The following CLUL1 variants were observed in gnomAD, a reference collection of about 807,000 sequenced individuals.
CLUL1 encodes clusterin like 1.
CLUL1 carries 43 observed loss-of-function variants against 49.4 expected under a neutral mutation model. The observed-to-expected ratio is 0.87, with a 90% confidence interval of 0.68 to 1.12. The LOEUF (loss-of-function observed/expected upper bound fraction) is 1.12. CLUL1 is among the 50% of genes most tolerant of loss of function. CLUL1 has a pLI of 0.00. For synonymous variants in CLUL1, 192 were observed against 184.9 expected (o/e 1.04, Z -0.31); for missense variants, 486 against 544.4 (o/e 0.89, Z 1.07).
chr18:634,275 A>T (rs564044222), intron 7 of CLUL1, among the ~76,000 whole-genome samples: 1 of 152,040 alleles, frequency 6.6e-6, no homozygotes, highest in Non-Finnish European at 1.5e-5. Context: ...GATTACAGGC[A>T]TGTGCCACCA....
intron 9 of CLUL1, among the ~76,000 whole-genome samples, chr18:645,964 G>A (rs574492171): frequency 6.7e-6 from 1 of 150,178 alleles, no homozygotes; most frequent in African/African-American, 2.5e-5. Context: ...TTTAAATAAT[G>A]ACTTGCTAAC....
In CLUL1 at chr18:624,122, C is replaced by T. The variant is rs781607562; in HGVS notation, c.256-743C>T. On this transcript the variant is annotated intron_variant, in intron 4 of 9. Transcript: ENST00000692774. ...GCACTCCAGGGGCAGGGCTGAGGCT[C>T]GCAGGGACAGGTGCCACTGCTGCTG... Among the ~76,000 whole-genome samples, 5 of 152,222 alleles carry T rather than the reference C, an allele frequency of 3.3e-5. No individual in the cohort carries two copies. In the South Asian group the frequency reaches 1.0e-3, roughly 32 times the overall value.
chr18:619,103 G>A (rs1215100565), intron 3 of CLUL1, 110 bp from the exon 4 acceptor site: 2 of 1,037,892 alleles, frequency 1.9e-6, no homozygotes, highest in South Asian at 1.6e-5. Context: ...CAGAATATGA[G>A]CCTATAAGAG....
At chr18:649,058 A>T (rs1478725341) in intron 9 of CLUL1, among the ~76,000 whole-genome samples, 1 of 152,158 alleles carries the variant, frequency 6.6e-6, no homozygotes, top group African/African-American at 2.4e-5. Flanking sequence ...ACATTTTCCA[A>T]GTTTGTTTAC....
chr18:637,426 C>T (rs2074177563), intron 7 of CLUL1, among the ~76,000 whole-genome samples: 1 of 152,056 alleles, frequency 6.6e-6, no homozygotes, highest in Admixed American at 6.5e-5. Flanking sequence ...CCTCTCCCGA[C>T]CTCAGTAGTT....
In CLUL1 at chr18:648,857, C is replaced by T. The variant is rs192034348; in HGVS notation, c.1398-1041C>T. The stretch of plus-strand genomic sequence containing the variant: ...TTTTTTAGTAGAGATGTGTTTTTAC[C>T]ATGTTGGCCGGGCTGGTCTCAAACT... On this transcript the variant is annotated intron_variant, in intron 9 of 9. Coordinates refer to ENST00000692774, the MANE Select transcript of CLUL1 (RefSeq NM_001393344.1). Among the ~76,000 whole-genome samples the T allele has an allele frequency of 3.6e-4, 55 of 152,142 alleles. No individual in the cohort carries two copies. The East Asian group carries it at 5.4e-3, about 15-fold the overall frequency.
intron 6 of CLUL1, among the ~76,000 whole-genome samples, chr18:631,669 C>T (rs2144106667): frequency 6.6e-6 from 1 of 152,258 alleles, no homozygotes; most frequent in African/African-American, 2.4e-5. Flanking sequence ...GATTATGACA[C>T]AGCCTCTGAC....
intron 7 of CLUL1, 68 bp downstream of exon 7, chr18:633,503 G>A: frequency 3.6e-6 from 5 of 1,381,832 alleles, no homozygotes; most frequent in South Asian, 1.3e-5. Context: ...ATAAAGTTTC[G>A]GTGCCACAAA....
chr18:645,808 AAAATATATATAT>A (rs1160347289), intron 9 of CLUL1, among the ~76,000 whole-genome samples: 5 of 56,900 alleles, frequency 8.8e-5, no homozygotes, highest in Non-Finnish European at 1.3e-4. Flanking sequence ...AAAAAAAAAA[AAAATATATATAT>A]ATATATATAT....
In CLUL1 at chr18:645,792, T is replaced by TAAAAAAAAAA. The variant is rs869103727; in HGVS notation, c.1397+705_1397+714dup. Among the ~76,000 whole-genome samples, 26 of 16,078 alleles carry TAAAAAAAAAA rather than the reference T, an allele frequency of 1.6e-3. 5 individuals are homozygous for TAAAAAAAAAA. The highest frequency in any genetic ancestry group is 3.8e-3 in the African/African-American group (15 of 3,910). The allele number at this position is 16,078 out of a possible 152,430, so 10.5% of individuals were successfully genotyped here. ...CTGGGCGACAGAGCGAGACTCTGTT[T>TAAAAAAAAAA]AAAAAAAAAAAAAAAAAAATATATA... On this transcript the variant is annotated intron_variant, in intron 9 of 9. Coordinates refer to ENST00000692774, the MANE Select transcript of CLUL1 (RefSeq NM_001393344.1).
At chr18:639,626 A>G (rs2074279276) in intron 7 of CLUL1, among the ~76,000 whole-genome samples, 1 of 151,396 alleles carries the variant, frequency 6.6e-6, no homozygotes, top group Non-Finnish European at 1.5e-5. Flanking sequence ...TTAGCCAGGC[A>G]TGGTGGCATG....
At chr18:637,992 G>A (rs1281918960) in intron 7 of CLUL1, among the ~76,000 whole-genome samples, 2 of 151,642 alleles carry the variant, frequency 1.3e-5, no homozygotes, top group Admixed American at 6.6e-5. Context: ...ATAATAAACA[G>A]ATAAATAAAA....
intron 9 of CLUL1, among the ~76,000 whole-genome samples, chr18:648,246 C>T (rs1164051711): frequency 6.6e-6 from 1 of 152,186 alleles, no homozygotes; most frequent in Non-Finnish European, 1.5e-5. Context: ...CCCATAAAGT[C>T]ATCTATCTCT....
chr18:635,732 G>C (rs1324196997), intron 7 of CLUL1, among the ~76,000 whole-genome samples: 1 of 152,150 alleles, frequency 6.6e-6, no homozygotes. Flanking sequence ...AAATCGCGCC[G>C]TTCAGAGAAA....
chr18:606,578 C>T lies in CLUL1; in HGVS notation c.-135-400C>T, dbSNP rs1185833734. On this transcript the variant is annotated intron_variant, in intron 1 of 9. Coordinates refer to ENST00000692774, the MANE Select transcript of CLUL1 (RefSeq NM_001393344.1). This position sits in a 1 kb window ranked among gnomAD's most constrained non-coding sequence, Gnocchi z 4.1. ...CACCCCTGGTCAGGAGAAGCCAAAA[C>T]ATCAGTCAGCTTCCCAGTAATCAAG... 6.6e-6 allele frequency among the ~76,000 whole-genome samples: 1 copy of T among 152,174 alleles called. No individual in the cohort carries two copies. Among genetic ancestry groups the T allele is most frequent in the Non-Finnish European group, 1.5e-5 (1 of 68,028 alleles).
At chr18:647,688 C>A (rs1246562516) in intron 9 of CLUL1, among the ~76,000 whole-genome samples, 2 of 152,086 alleles carry the variant, frequency 1.3e-5, no homozygotes, top group Non-Finnish European at 2.9e-5. Context: ...CATGTAGTAC[C>A]CCTTTGTTTA....
chr18:601,983 G>T (rs1343804065), intron 1 of CLUL1, among the ~76,000 whole-genome samples: 1 of 152,146 alleles, frequency 6.6e-6, no homozygotes, highest in Non-Finnish European at 1.5e-5. Context: ...TACTTTGGGA[G>T]GCTGAGGTGG....
chr18:625,845 A>G (rs545349192), intron 5 of CLUL1, among the ~76,000 whole-genome samples: 2 of 152,176 alleles, frequency 1.3e-5, no homozygotes, highest in African/African-American at 4.8e-5. Flanking sequence ...GGGAGCAACT[A>G]CTAAGATAAT....
intron 7 of CLUL1, among the ~76,000 whole-genome samples, chr18:634,686 G>A (rs761021838): frequency 1.2e-4 from 19 of 152,150 alleles, no homozygotes; most frequent in South Asian, 4.1e-4. Flanking sequence ...AGTGGCATTG[G>A]CTCTTTCCCA....
Sources: gnomAD v4.1 joint callset for allele counts (sites outside exome capture counted in the v4.1 genomes callset) on GRCh38, gnomAD v4.1.1 for gene constraint, Gnocchi (gnomAD v3.1) non-coding constraint, MANE v1.5 for transcripts, NCBI Gene and HGNC (gene_info 2026-07-23, HGNC 2026-07-21) for gene names.